The following NEGR1 variants were observed in gnomAD, a reference collection of about 807,000 sequenced individuals.
The protein encoded by NEGR1 is IgLON family member 4.
A neutral mutation model predicts 40.9 loss-of-function variants in NEGR1; 10 were observed. The observed-to-expected ratio is 0.24, with a 90% CI of 0.15 to 0.42. The LOEUF (loss-of-function observed/expected upper bound fraction) is 0.42, where lower values mean the gene tolerates loss of function less well. NEGR1 is among the 10% of genes least tolerant of loss of function. NEGR1 has a pLI of 1.00. For missense variants in NEGR1, 352 were observed against 438.9 expected, an observed-to-expected ratio of 0.80 and a Z score of 1.77; for synonymous variants, 185 against 166.8, an observed-to-expected ratio of 1.11 and a Z score of -0.84.
chr1:71,441,102 C>T (rs1425489499), intron 6 of NEGR1, among the ~76,000 whole-genome samples: 1 of 152,064 alleles, frequency 6.6e-6, no homozygotes, highest in Non-Finnish European at 1.5e-5. Context: ...AGACATATGT[C>T]CAAAACAATT....
intron 1 of NEGR1, among the ~76,000 whole-genome samples, chr1:72,183,993 A>C (rs1044442650): frequency 6.6e-6 from 1 of 152,140 alleles, no homozygotes; most frequent in African/African-American, 2.4e-5. Flanking sequence ...GTTAAAGGCA[A>C]ATCCAACAAG....
intron 2 of NEGR1, among the ~76,000 whole-genome samples, chr1:71,914,810 C>G (rs1661524625): frequency 6.6e-6 from 1 of 152,076 alleles, no homozygotes; most frequent in East Asian, 1.9e-4. Flanking sequence ...GTCATAATAT[C>G]AAAGAAGTTA....
chr1:72,032,893 T>C (rs141604692), intron 1 of NEGR1, among the ~76,000 whole-genome samples: 1,941 of 152,218 alleles, frequency 0.013, 21 homozygotes, highest in Non-Finnish European at 0.019. Flanking sequence ...GCCTATCTTA[T>C]AGGCTTATTA....
chr1:72,204,989 A>G (rs1387870009), intron 1 of NEGR1, among the ~76,000 whole-genome samples: 2 of 152,140 alleles, frequency 1.3e-5, no homozygotes, highest in African/African-American at 4.8e-5. Context: ...ATATGATATA[A>G]AACAAAAAGC....
At chr1:72,048,191 CTTA>C (rs916779597) in intron 1 of NEGR1, among the ~76,000 whole-genome samples, 10 of 151,548 alleles carry the variant, frequency 6.6e-5, no homozygotes, top group African/African-American at 2.4e-4. Flanking sequence ...GCAGCTTTTC[CTTA>C]TTATCCTCTA....
chr1:71,949,358 C>A (rs985036086), intron 1 of NEGR1, among the ~76,000 whole-genome samples: 1 of 152,254 alleles, frequency 6.6e-6, no homozygotes, highest in East Asian at 1.9e-4. Context: ...AGGCATCATT[C>A]TTTATTGCCC....
intron 2 of NEGR1, among the ~76,000 whole-genome samples, chr1:71,913,971 A>T (rs1236496158): frequency 6.6e-6 from 1 of 152,152 alleles, no homozygotes; most frequent in Non-Finnish European, 1.5e-5. Context: ...TGAAGAGTTG[A>T]TCACAATACC....
At chr1:71,586,998 ACT>A (rs778059602) in intron 6 of NEGR1, among the ~76,000 whole-genome samples, 20 of 152,040 alleles carry the variant, frequency 1.3e-4, no homozygotes, top group Non-Finnish European at 2.5e-4. Flanking sequence ...CTCACACAGC[ACT>A]CTGTCTTCAA....
At chr1:71,568,829 C>CATGTGTGT (rs750483779) in intron 6 of NEGR1, among the ~76,000 whole-genome samples, 3 of 147,586 alleles carry the variant, frequency 2.0e-5, no homozygotes, top group African/African-American at 7.4e-5. Flanking sequence ...TATATGTATA[C>CATGTGTGT]GTGTGTGTGT....
At chr1:72,036,108 A>G (rs765271943) in intron 1 of NEGR1, among the ~76,000 whole-genome samples, 21 of 152,226 alleles carry the variant, frequency 1.4e-4, no homozygotes, top group Non-Finnish European at 2.9e-4. Context: ...CATGCCTACA[A>G]TTCACAGTTT....
At chr1:71,459,798 C>T (rs1464177030) in intron 6 of NEGR1, among the ~76,000 whole-genome samples, 2 of 152,152 alleles carry the variant, frequency 1.3e-5, no homozygotes, top group African/African-American at 2.4e-5. Context: ...TACCTGCCTC[C>T]GTGCCTAGAA....
rs1186035352 is a variant in NEGR1 at position 71,928,440 on chromosome 1, A to T, written c.409+6639T>A. Among the ~76,000 whole-genome samples, 6 of 98,528 alleles carry T rather than the reference A, an allele frequency of 6.1e-5. 1 individual carries two copies. The highest frequency in any genetic ancestry group is 3.2e-4 in the Admixed American group (3 of 9,390). 64.6% of individuals were successfully genotyped at this position (98,528 alleles called of 152,430 possible). A position where few individuals can be genotyped will look rare whatever the true frequency, so the allele number is the denominator to read the frequency against. On this transcript the variant is annotated intron_variant, in intron 2 of 6. Transcript: ENST00000357731. ...TATACACACATATGTATATATACAC[A>T]TATATATGTATATATACACACATAC...
chr1:72,107,989 CTA>C (rs546748660), intron 1 of NEGR1, among the ~76,000 whole-genome samples: 96 of 151,440 alleles, frequency 6.3e-4, no homozygotes, highest in South Asian at 2.1e-4. Context: ...AACTCTATGT[CTA>C]ATAATTTTTT....
chr1:71,526,621 G>A (rs923508191), intron 6 of NEGR1, among the ~76,000 whole-genome samples: 7 of 151,450 alleles, frequency 4.6e-5, no homozygotes, highest in African/African-American at 1.4e-4. Flanking sequence ...TGATATGTTT[G>A]CCGTTGCAAT....
In NEGR1 at chr1:72,282,510, T is replaced by G; in HGVS notation, c.-16A>C. On this transcript the variant is annotated 5_prime_UTR_variant, in exon 1 of 7. Coordinates refer to ENST00000357731, the MANE Select transcript of NEGR1 (RefSeq NM_173808.3). The stretch of plus-strand genomic sequence containing the variant: ...TCATGTCCATCCCTGCTAGGGCTGC[T>G]CACTCTCCAGCAGCTTTCAGCTCGC... The G allele has an allele frequency of 6.4e-7, 1 of 1,570,404 alleles. No individual in the cohort carries two copies. Among genetic ancestry groups the G allele is most frequent in the Non-Finnish European group, 8.6e-7 (1 of 1,156,394 alleles).
rs955286983 is a variant in NEGR1, at chr1:71,905,412, T to A, written c.409+29667A>T. Among the ~76,000 whole-genome samples, 6 of 152,174 alleles carry A rather than the reference T, an allele frequency of 3.9e-5. No individual in the cohort carries two copies. The East Asian group carries it at 7.7e-4, about 20-fold the overall frequency. On this transcript the variant is annotated intron_variant, in intron 2 of 6. Coordinates refer to ENST00000357731, the MANE Select transcript of NEGR1 (RefSeq NM_173808.3). Reference sequence around the variant, plus strand: ...CATTTTTTATCTAATCTCATATTTTTAGATAAATGTTTTTATTTACATTTA... The same window carrying A: ...CATTTTTTATCTAATCTCATATTTTAAGATAAATGTTTTTATTTACATTTA...
chr1:71,800,997 C>G (rs1374495024), intron 2 of NEGR1, among the ~76,000 whole-genome samples: 1 of 152,124 alleles, frequency 6.6e-6, no homozygotes, highest in Non-Finnish European at 1.5e-5. Flanking sequence ...ACACTTTCAC[C>G]ACTACTACTT....
intron 1 of NEGR1, among the ~76,000 whole-genome samples, chr1:72,114,157 C>T (rs1471840326): frequency 6.6e-6 from 1 of 151,510 alleles, no homozygotes; most frequent in Non-Finnish European, 1.5e-5. Context: ...TTGGATGTTT[C>T]TCTGAGGGTA....
intron 1 of NEGR1, among the ~76,000 whole-genome samples, chr1:72,051,273 G>C (rs1647057870): frequency 6.6e-6 from 1 of 151,406 alleles, no homozygotes; most frequent in South Asian, 2.1e-4. Flanking sequence ...TTACAATCAA[G>C]ATTACCATCA....
Sources: gnomAD v4.1 joint callset for allele counts (sites outside exome capture counted in the v4.1 genomes callset) on GRCh38, gnomAD v4.1.1 for gene constraint, MANE v1.5 for transcripts, NCBI Gene and HGNC (gene_info 2026-07-23, HGNC 2026-07-21) for gene names.